Variants in TOM1L2 observed in about 807,000 individuals in gnomAD.
TOM1L2 encodes the protein TOM1-like protein 2.
TOM1L2 carries 31 observed loss-of-function variants against 67.9 expected under a neutral mutation model. The observed-to-expected ratio is 0.46, with a 90% CI of 0.34 to 0.62. The LOEUF is 0.62. Among genes scored for constraint, TOM1L2 ranks in the 20% least tolerant of loss-of-function variants. The pLI is 0.01. For synonymous variants in TOM1L2, 256 were observed against 254.0 expected (o/e 1.01, Z -0.07); for missense variants, 606 against 663.5 (o/e 0.91, Z 0.95).
chr17:17,852,667 A>G (rs1247673318), intron 12 of TOM1L2, among the ~76,000 whole-genome samples: 1 of 152,112 alleles, frequency 6.6e-6, no homozygotes, highest in African/African-American at 2.4e-5. Flanking sequence ...AGAGTTTGAG[A>G]CCAGCCTGAC....
chr17:17,938,886 A>G (rs897233467), intron 1 of TOM1L2, among the ~76,000 whole-genome samples: 2 of 151,866 alleles, frequency 1.3e-5, no homozygotes, highest in Non-Finnish European at 2.9e-5. Flanking sequence ...GTCGAAACTT[A>G]TAATTCTCAC....
chr17:17,912,277 C>G (rs1440163160), intron 1 of TOM1L2, among the ~76,000 whole-genome samples: 3 of 148,626 alleles, frequency 2.0e-5, no homozygotes, highest in Non-Finnish European at 3.0e-5. Flanking sequence ...GCTGGCCGGG[C>G]GGGGGGCTGA....
intron 1 of TOM1L2, among the ~76,000 whole-genome samples, chr17:17,944,832 G>A (rs896463262): frequency 6.6e-6 from 1 of 152,194 alleles, no homozygotes; most frequent in Non-Finnish European, 1.5e-5. Flanking sequence ...TAACAGAGGA[G>A]AACAAATGCT....
intron 10 of TOM1L2, among the ~76,000 whole-genome samples, chr17:17,864,134 G>A (rs1280903994): frequency 2.6e-5 from 4 of 152,174 alleles, no homozygotes; most frequent in Non-Finnish European, 5.9e-5. Context: ...TTCCCAGAGT[G>A]CTGGGATTAC....
chr17:17,871,903 C>A (rs1486628055), intron 7 of TOM1L2: 4 of 855,574 alleles, frequency 4.7e-6, no homozygotes, highest in Admixed American at 6.2e-5. Flanking sequence ...GAGGTGAATA[C>A]GGGATCTTAA....
At chr17:17,882,591 G>C (rs1165274122) in intron 6 of TOM1L2, 114 bp downstream of exon 6, 2 of 1,396,328 alleles carry the variant, frequency 1.4e-6, no homozygotes, top group African/African-American at 2.9e-5. Context: ...TTCCATCTCT[G>C]TGTCCCTAAC....
In TOM1L2 at chr17:17,847,593, G is replaced by A. The variant is rs7501812; in HGVS notation, c.*42C>T. 901,478 of 1,565,562 alleles carry A rather than the reference G, an allele frequency of 0.58. 274,647 individuals carry two copies. Among genetic ancestry groups the A allele is most frequent in the Non-Finnish European group, 0.64 (739,797 of 1,157,334 alleles). On this transcript the variant is annotated 3_prime_UTR_variant, in exon 15 of 15. Coordinates refer to ENST00000379504, the MANE Select transcript of TOM1L2 (RefSeq NM_001082968.2). ...CCAGTGCCCGGTGTCCACGGGGTGC[G>A]AGCGGGGACCCGCCATCTGGGGAGG...
intron 3 of TOM1L2, among the ~76,000 whole-genome samples, chr17:17,895,061 G>T (rs575247946): frequency 6.6e-6 from 1 of 151,976 alleles, no homozygotes; most frequent in Non-Finnish European, 1.5e-5. Flanking sequence ...CCATGATTAC[G>T]TGATTACTGT....
chr17:17,954,329 T>G (rs1242087056), intron 1 of TOM1L2, among the ~76,000 whole-genome samples: 9 of 151,076 alleles, frequency 6.0e-5, no homozygotes, highest in Admixed American at 2.6e-4. Flanking sequence ...TTTTTTTTTT[T>G]GTGATGGAGC....
chr17:17,876,487 AG>A (rs1285922604), intron 7 of TOM1L2, among the ~76,000 whole-genome samples: 1 of 152,202 alleles, frequency 6.6e-6, no homozygotes, highest in African/African-American at 2.4e-5. Flanking sequence ...CCCATGTGAA[AG>A]AGGAATTAGT....
chr17:17,970,583 A>G (rs964990961), intron 1 of TOM1L2, among the ~76,000 whole-genome samples: 4 of 152,202 alleles, frequency 2.6e-5, no homozygotes, highest in Non-Finnish European at 4.4e-5. Context: ...AGAAGTAAGG[A>G]AGTGAGAATC....
intron 5 of TOM1L2, among the ~76,000 whole-genome samples, chr17:17,884,254 C>G (rs1174898387): frequency 6.6e-6 from 1 of 152,130 alleles, no homozygotes; most frequent in Non-Finnish European, 1.5e-5. Context: ...TACTTTTTGA[C>G]CCAAGAGTGA....
At position 17,862,621 on chromosome 17, in the gene TOM1L2, C is replaced by T. The variant is rs540617110; in HGVS notation, c.1202+110G>A. On this transcript the variant is annotated intron_variant, in intron 11 of 14. Coordinates refer to ENST00000379504, the MANE Select transcript of TOM1L2 (RefSeq NM_001082968.2). ...TCCTTACAGCCATGCTTTAAAGTTC[C>T]TGGCAGTCCTGGACATGGTAAATAA... The T allele has an allele frequency of 1.6e-5, 14 of 892,608 alleles. No individual in the cohort carries two copies. The East Asian group carries it at 2.7e-4, about 17-fold the overall frequency. The allele number at this position is 892,608 out of a possible 1,614,324, so 55.3% of individuals were successfully genotyped here.
rs2042019473 is a variant in TOM1L2 at position 17,970,289 on chromosome 17, C to T, written c.52+1973G>A. On this transcript the variant is annotated intron_variant, in intron 1 of 14. Transcript: ENST00000379504. ...CCGTGTTAGCCAAGATGGTCTCGAT[C>T]TCCTGACCTTGTGATCCGCCCGCCT... Among the ~76,000 whole-genome samples, 8 of 152,004 alleles carry T rather than the reference C, an allele frequency of 5.3e-5. No homozygotes were observed. In the South Asian group the frequency reaches 1.5e-3, roughly 28 times the overall value.
intron 1 of TOM1L2, among the ~76,000 whole-genome samples, chr17:17,908,056 C>T (rs2039174903): frequency 6.6e-6 from 1 of 152,184 alleles, no homozygotes; most frequent in Non-Finnish European, 1.5e-5. Flanking sequence ...TATTAAAAAT[C>T]AATTGCAGTA....
chr17:17,882,812 G>C lies in TOM1L2; in HGVS notation c.553C>G (p.Gln185Glu). 6.2e-7 allele frequency: 1 copy of C among 1,614,202 alleles called. No homozygotes were observed. The highest frequency in any genetic ancestry group is 8.5e-7 in the Non-Finnish European group (1 of 1,180,030). The stretch of plus-strand genomic sequence containing the variant: ...GAATAGGAACCAGCACTTGTCCTCT[G>C]CTGTGATTGGGACCTGGGCATGGTC... ...AATMPRSQSQ[Q>E]RTSAGSYSSP... The change falls in exon 6 of 15, where the codon CAG becomes GAG. Residue 185 changes from glutamine (Q) to glutamate (E), a missense_variant. Transcript: ENST00000379504.
intron 6 of TOM1L2, 97 bp from the exon 7 acceptor site, chr17:17,879,840 C>A: frequency 2.9e-6 from 3 of 1,048,484 alleles, no homozygotes; most frequent in Non-Finnish European, 4.5e-6. Context: ...AGTGACAATC[C>A]TTCTCACTGG....
intron 4 of TOM1L2, among the ~76,000 whole-genome samples, chr17:17,890,881 T>G (rs2038238330): frequency 6.6e-6 from 1 of 152,188 alleles, no homozygotes; most frequent in East Asian, 1.9e-4. Context: ...AAGAAAGGGC[T>G]AGGGATCCTG....
chr17:17,867,795 G>T (rs939788215), intron 8 of TOM1L2, among the ~76,000 whole-genome samples: 2 of 152,186 alleles, frequency 1.3e-5, no homozygotes, highest in East Asian at 3.8e-4. Flanking sequence ...AATGATCTGG[G>T]TAAGGCAGTG....
Sources: gnomAD v4.1 joint callset for allele counts (sites outside exome capture counted in the v4.1 genomes callset) on GRCh38, gnomAD v4.1.1 for gene constraint, MANE v1.5 for transcripts, NCBI Gene and HGNC (gene_info 2026-07-23, HGNC 2026-07-21) for gene names.